PKHD1: variants seen among roughly 807,000 people sequenced by gnomAD.
The protein encoded by PKHD1 is fibrocystin.
PKHD1 carries 291 observed loss-of-function variants against 412.0 expected under a neutral mutation model. The ratio of observed to expected loss-of-function variants is 0.71; its 90% CI spans 0.64 to 0.78. The LOEUF (loss-of-function observed/expected upper bound fraction) is 0.78, where lower values mean the gene tolerates loss of function less well. Among genes scored for constraint, PKHD1 ranks in the 30% least tolerant of loss-of-function variants. The pLI is 0.00. For missense variants in PKHD1, 4,825 were observed against 4,950.7 expected, an observed-to-expected ratio of 0.97 and a Z score of 0.76; for synonymous variants, 1,777 against 1,821.5, an observed-to-expected ratio of 0.98 and a Z score of 0.62.
intron 31 of PKHD1, among the ~76,000 whole-genome samples, chr6:52,027,151 G>A (rs978511162): frequency 7.9e-5 from 12 of 152,162 alleles, no homozygotes; most frequent in Admixed American, 3.3e-4. Flanking sequence ...TCTAAATGGC[G>A]AATGCAGGAC....
chr6:52,051,969 T>C (rs1388333001), intron 21 of PKHD1, among the ~76,000 whole-genome samples: 1 of 152,052 alleles, frequency 6.6e-6, no homozygotes, highest in Non-Finnish European at 1.5e-5. Context: ...ACTTAAACTA[T>C]GGAAACAGAG....
chr6:51,896,130 A>AAGC (rs1242888649), intron 43 of PKHD1, among the ~76,000 whole-genome samples: 3 of 152,158 alleles, frequency 2.0e-5, no homozygotes, highest in African/African-American at 7.2e-5. Flanking sequence ...TAGGTAAACA[A>AAGC]AGCAGCCCGG....
chr6:51,733,234 T>A (rs1470629137), intron 60 of PKHD1, among the ~76,000 whole-genome samples: 1 of 152,100 alleles, frequency 6.6e-6, no homozygotes, highest in Admixed American at 6.6e-5. Flanking sequence ...ACCACTGAAC[T>A]GTACACTTAA....
intron 23 of PKHD1, 130 bp from the exon 24 acceptor site, chr6:52,046,318 T>A: frequency 2.5e-6 from 2 of 800,306 alleles, no homozygotes; most frequent in Non-Finnish European, 4.4e-6. Context: ...TCTGTCAAAG[T>A]AGAACTTCAG....
chr6:51,934,439 T>G, intron 36 of PKHD1, 117 bp from the exon 37 acceptor site: 1 of 734,904 alleles, frequency 1.4e-6, no homozygotes, highest in Non-Finnish European at 2.5e-6. Context: ...TGTAGACTTA[T>G]TTTATCATGC....
At chr6:51,722,712 T>C (rs1019960139) in intron 60 of PKHD1, among the ~76,000 whole-genome samples, 4 of 152,174 alleles carry the variant, frequency 2.6e-5, no homozygotes, top group Admixed American at 1.3e-4. Context: ...TTTCCTGCCC[T>C]CCAGGAGGAT....
intron 55 of PKHD1, among the ~76,000 whole-genome samples, chr6:51,758,704 C>A (rs963799012): frequency 1.3e-5 from 2 of 152,120 alleles, no homozygotes; most frequent in African/African-American, 2.4e-5. Context: ...CTGTGGAAGT[C>A]TTTTTAAAGA....
intron 52 of PKHD1, among the ~76,000 whole-genome samples, chr6:51,826,998 T>C (rs947968022): frequency 6.6e-6 from 1 of 152,166 alleles, no homozygotes; most frequent in African/African-American, 2.4e-5. Context: ...GTTCTACACG[T>C]TTCCTTTATT....
intron 37 of PKHD1, among the ~76,000 whole-genome samples, chr6:51,927,448 C>A (rs1379013373): frequency 2.0e-5 from 3 of 152,164 alleles, no homozygotes; most frequent in Non-Finnish European, 4.4e-5. Flanking sequence ...AGAGTCCACT[C>A]CATCATTTAT....
At chr6:51,881,799 T>C (rs544113953) in intron 46 of PKHD1, among the ~76,000 whole-genome samples, 2 of 152,160 alleles carry the variant, frequency 1.3e-5, no homozygotes, top group African/African-American at 4.8e-5. Context: ...GTTTTATGAT[T>C]TGGATAACTA....
At chr6:51,913,899 A>C (rs566997046) in intron 37 of PKHD1, among the ~76,000 whole-genome samples, 1 of 152,226 alleles carries the variant, frequency 6.6e-6, no homozygotes, top group African/African-American at 2.4e-5. Context: ...TTAAGACATA[A>C]ATCATCCCAA....
chr6:51,782,672 G>T (rs2151201982), intron 53 of PKHD1, among the ~76,000 whole-genome samples: 1 of 152,214 alleles, frequency 6.6e-6, no homozygotes, highest in Non-Finnish European at 1.5e-5. Flanking sequence ...TATACACATT[G>T]CATATGTGGG....
rs764524348 is a variant in PKHD1, at chr6:51,744,580, G to A, written c.9999-38C>T. Reference sequence around the variant, plus strand: ...TCAAAAAGCAACTCTTTCATTTCATGATAAGCAGCAAGAAGAAAATATACA... The same window carrying A: ...TCAAAAAGCAACTCTTTCATTTCATAATAAGCAGCAAGAAGAAAATATACA... On this transcript the variant is annotated intron_variant, in intron 59 of 66. Transcript: ENST00000371117. 2.6e-6 allele frequency: 4 copies of A among 1,548,818 alleles called. No homozygotes were observed. In the Admixed American group the frequency reaches 5.0e-5, roughly 19 times the overall value.
intron 22 of PKHD1, among the ~76,000 whole-genome samples, chr6:52,049,101 A>C (rs567372017): frequency 1.3e-5 from 2 of 152,334 alleles, no homozygotes; most frequent in African/African-American, 4.8e-5. Context: ...TGCATCACTT[A>C]ACAGTGAGGA....
At chr6:51,730,780 C>T (rs7749236) in intron 60 of PKHD1, among the ~76,000 whole-genome samples, 2,193 of 152,236 alleles carry the variant, frequency 0.014, 50 homozygotes, top group African/African-American at 0.049. Flanking sequence ...AGGGACTGCT[C>T]AAGTATTCCC....
rs750494997 is a variant in PKHD1 at position 52,022,940 on chromosome 6, G to A, written c.5241C>T (p.Cys1747=). The A allele has an allele frequency of 3.2e-5, 51 of 1,613,882 alleles. No individual in the cohort carries two copies. Among genetic ancestry groups the A allele is most frequent in the Non-Finnish European group, 3.8e-5 (45 of 1,180,002 alleles). ...ACACATGCACCAGCCTTCCACCCAG[G>A]CAGCCTTTAAAGACAAAGGTACAAG... ...IITAVTENFG[C]LGGRLVHVFG... is the part of the protein sequence containing the mutation. Residue 1747 remains cysteine (C), a synonymous_variant, in exon 33 of 67, where the codon TGC becomes TGT. Coordinates refer to ENST00000371117, the MANE Select transcript of PKHD1 (RefSeq NM_138694.4).
intron 53 of PKHD1, among the ~76,000 whole-genome samples, chr6:51,790,992 G>C (rs1436955391): frequency 1.3e-5 from 2 of 152,112 alleles, no homozygotes; most frequent in Non-Finnish European, 2.9e-5. Context: ...ACCCTGGAAT[G>C]AGCAGTAGCA....
intron 65 of PKHD1, 53 bp from the exon 66 acceptor site, chr6:51,627,169 A>C (rs1767358386): frequency 1.3e-6 from 2 of 1,506,816 alleles, no homozygotes; most frequent in South Asian, 2.3e-5. Flanking sequence ...AAGTGGGACC[A>C]TCAGCATTTA....
At chr6:52,010,706 G>A (rs952570362) in intron 34 of PKHD1, among the ~76,000 whole-genome samples, 5 of 152,036 alleles carry the variant, frequency 3.3e-5, no homozygotes, top group South Asian at 2.1e-4. Context: ...TCTCTTTTCC[G>A]AATCTATTAA....
Sources: allele counts gnomAD v4.1 joint callset (sites outside exome capture counted in the v4.1 genomes callset), GRCh38; gene constraint gnomAD v4.1.1; transcripts MANE v1.5; gene names NCBI Gene and HGNC (gene_info 2026-07-23, HGNC 2026-07-21).